Variants in BAALC observed in about 807,000 individuals in gnomAD.
BAALC encodes BAALC binder of MAP3K1 and KLF4.
A neutral mutation model predicts 15.5 loss-of-function variants in BAALC; 9 were observed. That is an observed-to-expected ratio of 0.58 (90% confidence interval 0.35 to 1.02). The LOEUF is 1.02. Among genes scored for constraint, BAALC ranks in the 50% least tolerant of loss-of-function variants. The pLI is 0.02. For synonymous variants in BAALC, 80 were observed against 74.6 expected (o/e 1.07, Z -0.37); for missense variants, 201 against 192.4 (o/e 1.04, Z -0.27).
chr8:103,227,296 A>G (rs774250163), intron 2 of BAALC, among the ~76,000 whole-genome samples: 1 of 152,212 alleles, frequency 6.6e-6, no homozygotes, highest in Non-Finnish European at 1.5e-5. Flanking sequence ...TCACTATGGA[A>G]AGGGAAAGTT....
chr8:103,228,754 T>G lies in BAALC; in HGVS notation c.*655T>G, dbSNP rs1812859855. On this transcript the variant is annotated 3_prime_UTR_variant, in exon 3 of 3. Transcript: ENST00000309982. Reference sequence around the variant, plus strand: ...GTGTCTGTGAAGCAGTCATACCTGCTCCTCATCTGCCTGGAAAGTCCTCCT... The same window carrying G: ...GTGTCTGTGAAGCAGTCATACCTGCGCCTCATCTGCCTGGAAAGTCCTCCT... 1.3e-5 allele frequency: 2 copies of G among 152,284 alleles called. No individual in the cohort carries two copies. The highest frequency in any genetic ancestry group is 4.8e-5 in the African/African-American group (2 of 41,454). The allele number at this position is 152,284 out of a possible 1,614,324, so 9.4% of individuals were successfully genotyped here.
intron 2 of BAALC, among the ~76,000 whole-genome samples, chr8:103,216,061 C>A (rs1415514341): frequency 6.6e-6 from 1 of 152,214 alleles, no homozygotes; most frequent in Non-Finnish European, 1.5e-5. Context: ...TTTTGCTCAA[C>A]ATTATCCTTG....
rs542015874 is a variant in BAALC at position 103,214,282 on chromosome 8, G to GA, written c.327+1202dup. Among the ~76,000 whole-genome samples the GA allele has an allele frequency of 8.7e-4, 133 of 152,294 alleles. 1 individual carries two copies. Among genetic ancestry groups the GA allele is most frequent in the Admixed American group, 8.5e-3 (130 of 15,290 alleles). On this transcript the variant is annotated intron_variant, in intron 2 of 2. Coordinates refer to ENST00000309982, the MANE Select transcript of BAALC (RefSeq NM_024812.3). ...GGACAAGAGCTAAGCCCAAGTTCCT[G>GA]AAAAACAACTTTAAGCAACTGTTAC...
intron 2 of BAALC, among the ~76,000 whole-genome samples, chr8:103,223,159 A>C (rs549532776): frequency 4.6e-5 from 7 of 152,192 alleles, no homozygotes; most frequent in Admixed American, 3.9e-4. Context: ...AAAAATACAA[A>C]AATTAGCTAG....
In BAALC at chr8:103,141,335, C is replaced by T. The variant is rs191744025; in HGVS notation, c.160+278C>T. On this transcript the variant is annotated intron_variant, in intron 1 of 2. Coordinates refer to ENST00000309982, the MANE Select transcript of BAALC (RefSeq NM_024812.3). The stretch of plus-strand genomic sequence containing the variant: ...AAAGCTTGCTCGCTGGTCGGGAGAC[C>T]GGTGGGTGGGAGGACAGCCCACCTC... The T allele has an allele frequency of 8.3e-4, 316 of 380,546 alleles. 1 individual carries two copies. Among genetic ancestry groups the T allele is most frequent in the African/African-American group, 5.4e-3 (258 of 47,440 alleles). The allele number at this position is 380,546 out of a possible 1,614,324, so 23.6% of individuals were successfully genotyped here. A position where few individuals can be genotyped will look rare whatever the true frequency, so the allele number is the denominator to read the frequency against.
At chr8:103,189,173 C>T (rs12548629) in intron 1 of BAALC, among the ~76,000 whole-genome samples, 37,705 of 152,092 alleles carry the variant, frequency 0.25, 5,069 homozygotes, top group South Asian at 0.33. Context: ...AAAAAAGAAA[C>T]AGAATACATC....
intron 1 of BAALC, among the ~76,000 whole-genome samples, chr8:103,144,652 T>G (rs939990686): frequency 6.6e-6 from 1 of 152,208 alleles, no homozygotes; most frequent in Admixed American, 6.5e-5. Context: ...ATTGCATCCT[T>G]AAGCACACTT....
chr8:103,223,100 C>A (rs1812717275), intron 2 of BAALC, among the ~76,000 whole-genome samples: 1 of 152,196 alleles, frequency 6.6e-6, no homozygotes, highest in East Asian at 1.9e-4. Context: ...ACCACAAGGT[C>A]AGGAGTTCGA....
chr8:103,222,624 T>C (rs1812704026), intron 2 of BAALC, among the ~76,000 whole-genome samples: 1 of 152,240 alleles, frequency 6.6e-6, no homozygotes, highest in African/African-American at 2.4e-5. Flanking sequence ...ATGTCTCAAA[T>C]TCAAAAGCTT....
chr8:103,195,292 T>C (rs1048592621), intron 1 of BAALC, among the ~76,000 whole-genome samples: 1 of 152,116 alleles, frequency 6.6e-6, no homozygotes, highest in African/African-American at 2.4e-5. Context: ...ACCAAGCTCT[T>C]CCTGTAAGCT....
At chr8:103,154,980 A>T (rs1401380781) in intron 1 of BAALC, among the ~76,000 whole-genome samples, 2 of 151,396 alleles carry the variant, frequency 1.3e-5, no homozygotes, top group African/African-American at 4.8e-5. Flanking sequence ...CCATGTACCC[A>T]TCATCAGCTT....
chr8:103,194,765 C>T (rs1341885517), intron 1 of BAALC, among the ~76,000 whole-genome samples: 1 of 152,116 alleles, frequency 6.6e-6, no homozygotes, highest in African/African-American at 2.4e-5. Context: ...CCATCTAGTG[C>T]CCTCACATGG....
intron 1 of BAALC, among the ~76,000 whole-genome samples, chr8:103,162,336 GC>G (rs1811245139): frequency 6.6e-6 from 1 of 152,130 alleles, no homozygotes. Flanking sequence ...ATTTTGAAAA[GC>G]AAAAAGTCTA....
At chr8:103,193,835 G>T (rs1812029483) in intron 1 of BAALC, among the ~76,000 whole-genome samples, 1 of 152,152 alleles carries the variant, frequency 6.6e-6, no homozygotes, top group South Asian at 2.1e-4. Flanking sequence ...CAAAAGCAGT[G>T]CCCACACCAT....
intron 1 of BAALC, among the ~76,000 whole-genome samples, chr8:103,152,651 G>A (rs2129873401): frequency 6.6e-6 from 1 of 152,342 alleles, no homozygotes; most frequent in African/African-American, 2.4e-5. Context: ...TTGAATGAAG[G>A]GAACCCTCCA....
Position 103,213,050 on chromosome 8 carries a change from C to T in BAALC, c.292C>T (p.Leu98=). 1 of 1,614,114 alleles carries T rather than the reference C, an allele frequency of 6.2e-7. No homozygotes were observed. Among genetic ancestry groups the T allele is most frequent in the South Asian group, 1.1e-5 (1 of 91,074 alleles). The change falls in exon 2 of 3, where the codon CTG becomes TTG. Residue 98 remains leucine (L), a synonymous_variant. Transcript: ENST00000309982. ...PNPQSLSSGP[L]TQKQNGLQTT... is the part of the protein sequence containing the mutation. ...TCCCCAGAGCCTCAGCTCAGGCCCT[C>T]TGACCCAGAAACAGAATGGCCTTCA...
At chr8:103,147,928 G>T (rs115586755) in intron 1 of BAALC, among the ~76,000 whole-genome samples, 2 of 152,128 alleles carry the variant, frequency 1.3e-5, no homozygotes, top group African/African-American at 4.8e-5. Flanking sequence ...TACCAGGAAC[G>T]CTTGCTTCCT....
chr8:103,228,115 G>C lies in BAALC; in HGVS notation c.*16G>C. The C allele has an allele frequency of 1.3e-6, 2 of 1,541,572 alleles. No individual in the cohort carries two copies. The highest frequency in any genetic ancestry group is 9.0e-7 in the Non-Finnish European group (1 of 1,115,256). On this transcript the variant is annotated 3_prime_UTR_variant, in exon 3 of 3. Transcript: ENST00000309982. Reference sequence around the variant, plus strand: ...TGTCAACTAGCAGAGAGTCCAAGCAGAAGGGCAGATGGACTTCTTCAGTGT... The same window carrying C: ...TGTCAACTAGCAGAGAGTCCAAGCACAAGGGCAGATGGACTTCTTCAGTGT...
At position 103,154,273 on chromosome 8, in the gene BAALC, G is replaced by A. The variant is rs189885480; in HGVS notation, c.160+13216G>A. 5.5e-3 allele frequency among the ~76,000 whole-genome samples: 842 copies of A among 152,128 alleles called. 10 individuals are homozygous for A. The highest frequency in any genetic ancestry group is 0.019 in the African/African-American group (785 of 41,498). On this transcript the variant is annotated intron_variant, in intron 1 of 2. Coordinates refer to ENST00000309982, the MANE Select transcript of BAALC (RefSeq NM_024812.3). The stretch of plus-strand genomic sequence containing the variant: ...TGGGATGGCTTGTCTAAATGTACAC[G>A]GGCTGTGAGCAGTGGGGTGGGGTTT...
Sources: gnomAD v4.1 joint callset for allele counts (sites outside exome capture counted in the v4.1 genomes callset) on GRCh38, gnomAD v4.1.1 for gene constraint, MANE v1.5 for transcripts, NCBI Gene and HGNC (gene_info 2026-07-23, HGNC 2026-07-21) for gene names.